The following BMPER variants were observed in gnomAD, a reference collection of about 807,000 sequenced individuals.
BMPER encodes BMP-binding endothelial regulator protein.
In BMPER, 45 loss-of-function variants were observed where a neutral mutation model predicts 87.3. The ratio of observed to expected loss-of-function variants is 0.52; its 90% CI spans 0.41 to 0.66. The LOEUF (loss-of-function observed/expected upper bound fraction) is 0.66. Among genes scored for constraint, BMPER ranks in the 30% least tolerant of loss-of-function variants. The pLI is 0.00. For missense variants in BMPER, 784 were observed against 867.5 expected (o/e 0.90, Z 1.21); for synonymous variants, 326 against 316.2 (o/e 1.03, Z -0.33).
chr7:34,045,117 AG>A (rs1787927594), intron 6 of BMPER, among the ~76,000 whole-genome samples: 1 of 152,182 alleles, frequency 6.6e-6, no homozygotes, highest in Non-Finnish European at 1.5e-5. Context: ...TGCGGGTACT[AG>A]TTTGGTTTCT....
At chr7:33,920,395 G>A (rs1222659501) in intron 2 of BMPER, among the ~76,000 whole-genome samples, 7 of 146,410 alleles carry the variant, frequency 4.8e-5, no homozygotes. Flanking sequence ...GCTGGCTCCT[G>A]TGCAGACCAG....
intron 3 of BMPER, among the ~76,000 whole-genome samples, chr7:33,958,397 C>T (rs531512815): frequency 6.6e-6 from 1 of 152,320 alleles, no homozygotes; most frequent in African/African-American, 2.4e-5. Context: ...CAAGGCTTAG[C>T]ATAGTTGGTA....
At chr7:33,938,351 C>G (rs1784661742) in intron 3 of BMPER, among the ~76,000 whole-genome samples, 1 of 152,170 alleles carries the variant, frequency 6.6e-6, no homozygotes, top group Admixed American at 6.5e-5. Flanking sequence ...GAACTAGGCC[C>G]TTTGCAGATA....
rs1791256395 is a variant in BMPER, at chr7:34,154,179, T to C, written c.*906T>C. 1 of 152,660 alleles carries C rather than the reference T, an allele frequency of 6.6e-6. No individual in the cohort carries two copies. The highest frequency in any genetic ancestry group is 2.4e-5 in the African/African-American group (1 of 41,472). 9.5% of individuals were successfully genotyped at this position (152,660 alleles called of 1,614,324 possible). ...GTTGATGTAACCCATCTACATTTTG[T>C]GGCTATTTCATGTATAAAATGAAAG... On this transcript the variant is annotated 3_prime_UTR_variant, in exon 15 of 15. Transcript: ENST00000649409.
intron 4 of BMPER, among the ~76,000 whole-genome samples, chr7:33,967,029 C>G (rs1487808533): frequency 6.6e-6 from 1 of 152,130 alleles, no homozygotes; most frequent in Non-Finnish European, 1.5e-5. Context: ...TTCAACCTGA[C>G]AAATTAAAAA....
At chr7:34,052,007 T>C (rs766800666) in intron 8 of BMPER, 37 bp downstream of exon 8, 7 of 1,555,296 alleles carry the variant, frequency 4.5e-6, no homozygotes, top group Non-Finnish European at 6.2e-6. Context: ...CCAGCAATGA[T>C]AGGGTTTGGG....
chr7:34,043,992 G>T (rs977924086), intron 6 of BMPER, among the ~76,000 whole-genome samples: 3 of 152,218 alleles, frequency 2.0e-5, no homozygotes, highest in Non-Finnish European at 2.9e-5. Context: ...TTAGAAGCAG[G>T]TTGTGAGCTG....
chr7:34,107,210 C>T (rs539112028), intron 13 of BMPER, among the ~76,000 whole-genome samples: 59 of 152,222 alleles, frequency 3.9e-4, no homozygotes, highest in Non-Finnish European at 7.6e-4. Flanking sequence ...GCATTGCAGA[C>T]TTCCAGTAGT....
chr7:34,129,034 T>G (rs1790478010), intron 13 of BMPER, among the ~76,000 whole-genome samples: 1 of 152,202 alleles, frequency 6.6e-6, no homozygotes, highest in African/African-American at 2.4e-5. Flanking sequence ...TTGCCATGAT[T>G]GTTGCTATTA....
chr7:34,006,285 A>C (rs1374273896), intron 6 of BMPER, among the ~76,000 whole-genome samples: 1 of 152,106 alleles, frequency 6.6e-6, no homozygotes, highest in African/African-American at 2.4e-5. Context: ...AAGCCTTAGA[A>C]AAATAAAGAT....
At chr7:34,140,205 T>TG (rs995367819) in intron 13 of BMPER, among the ~76,000 whole-genome samples, 3 of 152,180 alleles carry the variant, frequency 2.0e-5, no homozygotes, top group African/African-American at 7.2e-5. Context: ...CATAGCCCAT[T>TG]GCCATGTGGA....
At chr7:33,952,220 G>C (rs1382239941) in intron 3 of BMPER, among the ~76,000 whole-genome samples, 1 of 152,154 alleles carries the variant, frequency 6.6e-6, no homozygotes, top group East Asian at 1.9e-4. Context: ...AACCTTTAAT[G>C]TAGCTTTGGG....
At chr7:34,143,201 T>C (rs146801497) in intron 13 of BMPER, 29 bp from the exon 14 acceptor site, 23 of 1,613,392 alleles carry the variant, frequency 1.4e-5, no homozygotes, top group Admixed American at 5.0e-5. Flanking sequence ...TATTTTTAAA[T>C]GTTTCTATCT....
chr7:34,084,273 C>G (rs1789139462), intron 12 of BMPER, among the ~76,000 whole-genome samples: 1 of 152,214 alleles, frequency 6.6e-6, no homozygotes, highest in African/African-American at 2.4e-5. Flanking sequence ...TGCACTCCAG[C>G]CTGGGCGACA....
intron 11 of BMPER, among the ~76,000 whole-genome samples, chr7:34,074,607 T>C (rs1033452155): frequency 6.6e-6 from 1 of 152,218 alleles, no homozygotes; most frequent in African/African-American, 2.4e-5. Context: ...TGAAAAGGTT[T>C]AAAGCCGTGT....
intron 6 of BMPER, among the ~76,000 whole-genome samples, chr7:33,983,463 T>C (rs528319862): frequency 3.3e-5 from 5 of 152,312 alleles, no homozygotes; most frequent in African/African-American, 1.2e-4. Flanking sequence ...TACAGAGGAA[T>C]TATTGATAAT....
intron 6 of BMPER, among the ~76,000 whole-genome samples, chr7:34,001,730 T>A (rs957933860): frequency 6.6e-6 from 1 of 151,790 alleles, no homozygotes; most frequent in Non-Finnish European, 1.5e-5. Context: ...TAAGGTTTAG[T>A]TACTATTCTT....
intron 13 of BMPER, among the ~76,000 whole-genome samples, chr7:34,120,867 G>A (rs1583458652): frequency 1.3e-5 from 2 of 152,076 alleles, no homozygotes; most frequent in African/African-American, 4.8e-5. Context: ...AAAAAATCAA[G>A]TTCAAGAGCG....
At chr7:34,024,384 A>AATATAT (rs200214350) in intron 6 of BMPER, among the ~76,000 whole-genome samples, 58 of 23,414 alleles carry the variant, frequency 2.5e-3, no homozygotes, top group Non-Finnish European at 2.9e-3. Flanking sequence ...AAAAAAAAAC[A>AATATAT]ATATATATAT....
Sources: gnomAD v4.1 joint callset for allele counts (sites outside exome capture counted in the v4.1 genomes callset) on GRCh38, gnomAD v4.1.1 for gene constraint, MANE v1.5 for transcripts, NCBI Gene and HGNC (gene_info 2026-07-23, HGNC 2026-07-21) for gene names.